The following EYS variants were observed in gnomAD, a reference collection of about 807,000 sequenced individuals.
EYS encodes EGF-like photoreceptor maintenance factor.
EYS carries 250 observed loss-of-function variants against 282.1 expected under a neutral mutation model. That is an observed-to-expected ratio of 0.89 (90% CI 0.80 to 0.98). EYS has a LOEUF of 0.98. Among genes scored for constraint, EYS ranks in the 50% least tolerant of loss-of-function variants. EYS has a pLI of 0.00. For synonymous variants in EYS, 1,355 were observed against 1,282.9 expected (o/e 1.06, Z -1.20); for missense variants, 4,016 against 3,709.0 (o/e 1.08, Z -2.15).
chr6:63,898,958 A>T, intron 35 of EYS, among the ~76,000 whole-genome samples: 1 of 152,218 alleles, frequency 6.6e-6, no homozygotes, highest in East Asian at 1.9e-4. Context: ...TGCAGTCACA[A>T]CCAGGCTGCT....
chr6:64,299,521 T>C (rs1481813265), intron 30 of EYS, among the ~76,000 whole-genome samples: 1 of 152,226 alleles, frequency 6.6e-6, no homozygotes, highest in East Asian at 1.9e-4. Flanking sequence ...GACGGAACCC[T>C]TGAAAACGAA....
chr6:65,357,201 T>C (rs1192824107), intron 8 of EYS, among the ~76,000 whole-genome samples: 1 of 152,042 alleles, frequency 6.6e-6, no homozygotes, highest in Non-Finnish European at 1.5e-5. Context: ...CAAGTTCTTT[T>C]TGTATATTTA....
At position 64,591,475 on chromosome 6, in the gene EYS, C is replaced by A. The variant is rs745673114; in HGVS notation, c.4392G>T (p.Gly1464=). The A allele has an allele frequency of 1.1e-5, 17 of 1,551,234 alleles. No homozygotes were observed. The East Asian group carries it at 3.7e-4, about 33-fold the overall frequency. ...SISATPVVSR[G]AQEDIEEYSA... Reference sequence around the variant, plus strand: ...AATATTCTTCAATATCCTCTTGAGCCCCCCTAGAGACAACTGGAGTTGCAC... The same window carrying A: ...AATATTCTTCAATATCCTCTTGAGCACCCCTAGAGACAACTGGAGTTGCAC... The change falls in exon 26 of 43, where the codon GGG becomes GGT. Residue 1464 remains glycine, a synonymous_variant. Coordinates refer to ENST00000503581, the MANE Select transcript of EYS (RefSeq NM_001142800.2).
chr6:63,756,365 C>A (rs1318869573), intron 41 of EYS, among the ~76,000 whole-genome samples: 5 of 152,142 alleles, frequency 3.3e-5, no homozygotes, highest in African/African-American at 9.7e-5. Flanking sequence ...AAGGCCTTTT[C>A]TGCATCTTTT....
intron 29 of EYS, among the ~76,000 whole-genome samples, chr6:64,334,240 T>C (rs746558958): frequency 7.2e-5 from 11 of 152,130 alleles, no homozygotes; most frequent in Admixed American, 6.6e-4. Flanking sequence ...AGGGTTATAT[T>C]GGATCTGTGG....
At chr6:63,831,077 G>A (rs1021904428) in intron 36 of EYS, among the ~76,000 whole-genome samples, 1 of 152,132 alleles carries the variant, frequency 6.6e-6, no homozygotes, top group Non-Finnish European at 1.5e-5. Context: ...CACTAAACAT[G>A]GAAAGGGAAA....
chr6:65,010,661 T>C (rs2150133001), intron 13 of EYS, among the ~76,000 whole-genome samples: 1 of 152,308 alleles, frequency 6.6e-6, no homozygotes, highest in Middle Eastern at 3.4e-3. Flanking sequence ...AAGTAATCCC[T>C]TCACTGCAGG....
At chr6:64,905,821 C>T (rs940243001) in intron 16 of EYS, among the ~76,000 whole-genome samples, 2 of 151,910 alleles carry the variant, frequency 1.3e-5, no homozygotes, top group African/African-American at 2.4e-5. Flanking sequence ...TAACAATCTC[C>T]ACTTCATATT....
intron 12 of EYS, among the ~76,000 whole-genome samples, chr6:65,204,690 T>A (rs1765984336): frequency 6.6e-6 from 1 of 151,562 alleles, no homozygotes; most frequent in African/African-American, 2.4e-5. Context: ...ACCTCACATA[T>A]CAATATTAAC....
At chr6:64,284,540 T>C (rs6940387) in intron 30 of EYS, among the ~76,000 whole-genome samples, 103,654 of 151,302 alleles carry the variant, frequency 0.69, 35,513 homozygotes, top group South Asian at 0.71. Context: ...CGGCCCTCTT[T>C]CCACAGCTCT....
chr6:65,229,846 C>T (rs1408574053), intron 12 of EYS, among the ~76,000 whole-genome samples: 1 of 151,954 alleles, frequency 6.6e-6, no homozygotes, highest in Non-Finnish European at 1.5e-5. Context: ...CAAGACAATT[C>T]TCCTTTATTG....
intron 12 of EYS, among the ~76,000 whole-genome samples, chr6:65,059,592 G>A (rs1008114165): frequency 6.6e-6 from 1 of 151,926 alleles, no homozygotes; most frequent in African/African-American, 2.4e-5. Flanking sequence ...TGAACAAGAG[G>A]CTTTTAAAGA....
intron 29 of EYS, among the ~76,000 whole-genome samples, chr6:64,318,635 C>T (rs1204997169): frequency 2.0e-5 from 3 of 151,750 alleles, no homozygotes; most frequent in Non-Finnish European, 1.5e-5. Flanking sequence ...TATTGGTTAA[C>T]CTGGTATTAA....
chr6:65,330,104 C>T (rs1465890646), intron 11 of EYS: 2 of 980,678 alleles, frequency 2.0e-6, no homozygotes, highest in Non-Finnish European at 2.4e-6. Flanking sequence ...TACTTTAGTA[C>T]TTTAAAAATG....
chr6:64,393,186 G>A (rs917858303), intron 28 of EYS, among the ~76,000 whole-genome samples: 2 of 152,042 alleles, frequency 1.3e-5, no homozygotes, highest in South Asian at 2.1e-4. Context: ...ATTCACAGCC[G>A]AATTCTACCA....
At chr6:64,482,449 T>C (rs1776462635) in intron 26 of EYS, among the ~76,000 whole-genome samples, 1 of 151,782 alleles carries the variant, frequency 6.6e-6, no homozygotes, top group African/African-American at 2.4e-5. Flanking sequence ...AGCTTATTTT[T>C]TTCAAATATG....
At chr6:65,426,589 C>T (rs2150380713) in intron 5 of EYS, among the ~76,000 whole-genome samples, 1 of 152,198 alleles carries the variant, frequency 6.6e-6, no homozygotes, top group East Asian at 1.9e-4. Context: ...TGAATCACCT[C>T]CACTTTTTAA....
At chr6:64,890,574 A>C (rs1395040440) in intron 18 of EYS, among the ~76,000 whole-genome samples, 1 of 152,056 alleles carries the variant, frequency 6.6e-6, no homozygotes, top group Non-Finnish European at 1.5e-5. Context: ...TGTTATATTC[A>C]TTTTTTTGCT....
At chr6:65,412,564 T>A (rs1186440097) in intron 5 of EYS, among the ~76,000 whole-genome samples, 1 of 152,170 alleles carries the variant, frequency 6.6e-6, no homozygotes, top group African/African-American at 2.4e-5. Flanking sequence ...GGCCTTAATT[T>A]GCATTTATCT....
Sources: gnomAD v4.1 joint callset for allele counts (sites outside exome capture counted in the v4.1 genomes callset) on GRCh38, gnomAD v4.1.1 for gene constraint, MANE v1.5 for transcripts, NCBI Gene and HGNC (gene_info 2026-07-23, HGNC 2026-07-21) for gene names.